Variants in TMEM117 observed in about 807,000 individuals in gnomAD.
The protein encoded by TMEM117 is transmembrane protein 117.
In TMEM117, 27 loss-of-function variants were observed where a neutral mutation model predicts 52.4. That is an observed-to-expected ratio of 0.51 (90% CI 0.38 to 0.71). The LOEUF (loss-of-function observed/expected upper bound fraction) is 0.71. Among genes scored for constraint, TMEM117 ranks in the 30% least tolerant of loss-of-function variants. TMEM117 has a pLI of 0.00. For missense variants in TMEM117, 556 were observed against 630.5 expected (o/e 0.88, Z 1.26); for synonymous variants, 215 against 206.3 (o/e 1.04, Z -0.36).
chr12:43,902,096 C>T (rs1431211755), intron 2 of TMEM117, among the ~76,000 whole-genome samples: 1 of 152,150 alleles, frequency 6.6e-6, no homozygotes, highest in East Asian at 1.9e-4. Context: ...AGTGAATTTA[C>T]AACTGGTTGT....
intron 3 of TMEM117, among the ~76,000 whole-genome samples, chr12:44,074,688 T>A (rs942593568): frequency 3.9e-5 from 6 of 152,258 alleles, no homozygotes; most frequent in Admixed American, 2.0e-4. Context: ...ATCATATACA[T>A]TTGGCAGTTC....
intron 5 of TMEM117, among the ~76,000 whole-genome samples, chr12:44,275,479 A>G (rs112239659): frequency 0.017 from 2,651 of 152,216 alleles, 34 homozygotes; most frequent in Middle Eastern, 0.051. Context: ...CAGTATATCA[A>G]AGATATATCT....
rs541484774 is a variant in TMEM117 at position 44,051,099 on chromosome 12, G to T, written c.411-92426G>T. On this transcript the variant is annotated intron_variant, in intron 3 of 7. Coordinates refer to ENST00000266534, the MANE Select transcript of TMEM117 (RefSeq NM_032256.3). ...GTCATTCATTTTGAAACATTTCCAAGTGTGTTGCCAACTGCATATAAAATT... is the reference window on the plus strand; with the variant it reads ...GTCATTCATTTTGAAACATTTCCAATTGTGTTGCCAACTGCATATAAAATT... Among the ~76,000 whole-genome samples the T allele has an allele frequency of 5.3e-5, 8 of 152,290 alleles. No homozygotes were observed. The South Asian group carries it at 1.7e-3, about 32-fold the overall frequency.
chr12:44,077,217 G>T (rs1048126889), intron 3 of TMEM117, among the ~76,000 whole-genome samples: 1 of 152,058 alleles, frequency 6.6e-6, no homozygotes, highest in African/African-American at 2.4e-5. Context: ...CATTTCTATC[G>T]CCTTCCAAGC....
chr12:44,358,058 A>G (rs1039513043), intron 6 of TMEM117, among the ~76,000 whole-genome samples: 5 of 152,174 alleles, frequency 3.3e-5, no homozygotes, highest in African/African-American at 7.2e-5. Context: ...TCCTAAGTGA[A>G]TTAACACAGG....
At chr12:44,322,392 CCT>C (rs1238020721) in intron 6 of TMEM117, among the ~76,000 whole-genome samples, 1 of 151,972 alleles carries the variant, frequency 6.6e-6, no homozygotes, top group African/African-American at 2.4e-5. Flanking sequence ...GTTTATACAC[CCT>C]CTCTGTTTTC....
intron 3 of TMEM117, among the ~76,000 whole-genome samples, chr12:44,033,928 T>A (rs1038013775): frequency 3.3e-5 from 5 of 152,178 alleles, no homozygotes; most frequent in Non-Finnish European, 7.4e-5. Flanking sequence ...ATTAATGAAG[T>A]TTGATGTTTT....
chr12:43,943,176 CAAAAAAAAAA>C (rs10667663), intron 2 of TMEM117, among the ~76,000 whole-genome samples: 1 of 72,228 alleles, frequency 1.4e-5, no homozygotes, highest in Non-Finnish European at 2.4e-5. Flanking sequence ...GACTCTGTCT[CAAAAAAAAAA>C]AAAAAAAAAA....
intron 3 of TMEM117, among the ~76,000 whole-genome samples, chr12:44,101,068 A>G (rs1164815189): frequency 2.0e-5 from 3 of 151,876 alleles, no homozygotes; most frequent in African/African-American, 7.3e-5. Flanking sequence ...ATCCTTACAT[A>G]GTAAAAGGAA....
chr12:43,886,512 A>G (rs1173693346), intron 2 of TMEM117, among the ~76,000 whole-genome samples: 2 of 152,210 alleles, frequency 1.3e-5, no homozygotes, highest in African/African-American at 2.4e-5. Context: ...GGCAAATTCA[A>G]ACAGCTTGCA....
At chr12:44,003,709 T>G (rs1227765750) in intron 3 of TMEM117, among the ~76,000 whole-genome samples, 1 of 152,246 alleles carries the variant, frequency 6.6e-6, no homozygotes, top group Non-Finnish European at 1.5e-5. Flanking sequence ...CAATGGAGTT[T>G]ATGTCTCTTA....
At chr12:43,922,020 A>C (rs1944703043) in intron 2 of TMEM117, among the ~76,000 whole-genome samples, 1 of 152,044 alleles carries the variant, frequency 6.6e-6, no homozygotes, top group Non-Finnish European at 1.5e-5. Flanking sequence ...TCTTTCTCCA[A>C]ATTAAACCTC....
rs1429705392 is a variant in TMEM117 at position 44,365,372 on chromosome 12, A to G, written c.769-11223A>G. Among the ~76,000 whole-genome samples, 9 of 152,122 alleles carry G rather than the reference A, an allele frequency of 5.9e-5. No individual in the cohort carries two copies. The South Asian group carries it at 1.9e-3, about 32-fold the overall frequency. On this transcript the variant is annotated intron_variant, in intron 6 of 7. Transcript: ENST00000266534. The stretch of plus-strand genomic sequence containing the variant: ...CCTTTCATTACAGATATAATTTAGC[A>G]TCAAACAGAAGGGCATATCGGCATG...
intron 3 of TMEM117, among the ~76,000 whole-genome samples, chr12:44,080,043 T>C (rs1189687485): frequency 6.9e-6 from 1 of 145,928 alleles, no homozygotes; most frequent in Admixed American, 6.9e-5. Context: ...AAAGAGTGCA[T>C]ATGGGAGTCT....
intron 2 of TMEM117, among the ~76,000 whole-genome samples, chr12:43,914,315 G>A (rs1944564278): frequency 6.6e-6 from 1 of 152,028 alleles, no homozygotes; most frequent in Non-Finnish European, 1.5e-5. Context: ...TCCTTTCTCA[G>A]ACCTGCAGGT....
chr12:43,857,628 A>G (rs1207973021), intron 2 of TMEM117, among the ~76,000 whole-genome samples: 2 of 152,194 alleles, frequency 1.3e-5, no homozygotes, highest in African/African-American at 4.8e-5. Flanking sequence ...TTAAAACCAT[A>G]TTGATAGAGG....
At chr12:44,190,962 T>TTATA (rs533840495) in intron 4 of TMEM117, among the ~76,000 whole-genome samples, 1,700 of 147,358 alleles carry the variant, frequency 0.012, 22 homozygotes, top group South Asian at 0.054. Context: ...CTAATATATA[T>TTATA]TATATATATA....
intron 4 of TMEM117, among the ~76,000 whole-genome samples, chr12:44,199,981 G>A (rs141986478): frequency 8.5e-5 from 13 of 152,190 alleles, no homozygotes; most frequent in African/African-American, 3.1e-4. Flanking sequence ...AGCGGGGTGT[G>A]GTGGCACACA....
chr12:44,254,768 AT>A (rs953123794), intron 5 of TMEM117, among the ~76,000 whole-genome samples: 2 of 151,904 alleles, frequency 1.3e-5, no homozygotes, highest in African/African-American at 2.4e-5. Context: ...TTAACTCGTC[AT>A]TTAGCATTAG....
Sources: gnomAD v4.1 joint callset for allele counts (sites outside exome capture counted in the v4.1 genomes callset) on GRCh38, gnomAD v4.1.1 for gene constraint, MANE v1.5 for transcripts, NCBI Gene and HGNC (gene_info 2026-07-23, HGNC 2026-07-21) for gene names.